CPA6: variants seen among roughly 807,000 people sequenced by gnomAD.
CPA6 encodes the protein carboxypeptidase B.
Under a neutral mutation model 63.3 loss-of-function variants are expected in CPA6, and 58 were observed. The observed-to-expected ratio is 0.92, with a 90% CI of 0.74 to 1.14. The LOEUF is 1.14. Ranked by LOEUF, CPA6 falls within the 50% of genes most tolerant of loss-of-function variation. The pLI is 0.00. For synonymous variants in CPA6, 185 were observed against 179.0 expected (o/e 1.03, Z -0.27); for missense variants, 565 against 526.6 (o/e 1.07, Z -0.71).
At chr8:67,745,816 G>T (rs769081006) in intron 1 of CPA6, among the ~76,000 whole-genome samples, 198 bp downstream of exon 1, 22 of 152,196 alleles carry the variant, frequency 1.4e-4, no homozygotes, top group Non-Finnish European at 2.8e-4. Context: ...TAAAAAGCCA[G>T]GTTGGAGCCC....
intron 1 of CPA6, among the ~76,000 whole-genome samples, chr8:67,634,847 C>G (rs780821168): frequency 2.0e-5 from 3 of 151,562 alleles, no homozygotes; most frequent in Middle Eastern, 3.4e-3. Flanking sequence ...TATAGTCTCT[C>G]AATACTTAGT....
At chr8:67,596,221 A>G (rs948280255) in intron 2 of CPA6, among the ~76,000 whole-genome samples, 2 of 152,200 alleles carry the variant, frequency 1.3e-5, no homozygotes, top group African/African-American at 4.8e-5. Context: ...GTTATTGATG[A>G]ACTCTCCCAG....
chr8:67,436,304 C>G (rs11989273), intron 8 of CPA6, among the ~76,000 whole-genome samples: 6,906 of 151,758 alleles, frequency 0.046, 523 homozygotes, highest in African/African-American at 0.16. Context: ...GGGTTTCCAG[C>G]TTCCCCAGGC....
chr8:67,534,403 A>G (rs1037048811), intron 2 of CPA6, among the ~76,000 whole-genome samples: 1 of 152,148 alleles, frequency 6.6e-6, no homozygotes, highest in Non-Finnish European at 1.5e-5. Context: ...AAGTGGTTCA[A>G]TATTTATGAA....
At chr8:67,496,521 AT>A (rs1811715932) in intron 6 of CPA6, among the ~76,000 whole-genome samples, 2 of 14,382 alleles carry the variant, frequency 1.4e-4, no homozygotes, top group Non-Finnish European at 4.9e-4. Flanking sequence ...TATATAGTTT[AT>A]ATATATATAT....
chr8:67,746,074 C>T lies in CPA6; in HGVS notation c.56G>A (p.Trp19Ter). 6.2e-7 allele frequency: 1 copy of T among 1,613,924 alleles called. No individual in the cohort carries two copies. Among genetic ancestry groups the T allele is most frequent in the East Asian group, 2.2e-5 (1 of 44,864 alleles). The change falls in exon 1 of 11, where the codon TGG becomes TAG. Residue 19 changes from tryptophan to a stop codon, truncating the protein, a stop_gained. Transcript: ENST00000297770. LOFTEE classifies it high-confidence loss of function. ...GQAAAFLPLC[W>*]LFLKILQPGH... ...CGGTTGCAGAATCTTCAAAAAGAGC[C>T]AGCAAAGAGGCAGGAAAGCAGCTGC...
At chr8:67,453,551 T>C (rs1810603160) in intron 8 of CPA6, among the ~76,000 whole-genome samples, 1 of 152,056 alleles carries the variant, frequency 6.6e-6, no homozygotes, top group Non-Finnish European at 1.5e-5. Context: ...TTGGGGGTCA[T>C]AGGCACACAG....
At chr8:67,628,458 G>C (rs578029138) in intron 1 of CPA6, among the ~76,000 whole-genome samples, 1 of 152,152 alleles carries the variant, frequency 6.6e-6, no homozygotes. Context: ...CAGAATTTAC[G>C]AACCTACACT....
At position 67,560,160 on chromosome 8, in the gene CPA6, G is replaced by GATATATATATATATATATATATAT. The variant is rs6150633; in HGVS notation, c.193-42114_193-42113insATATATATATATATATATATATAT. 8.1e-3 allele frequency among the ~76,000 whole-genome samples: 1,134 copies of GATATATATATATATATATATATAT among 139,654 alleles called. 18 individuals carry two copies. The highest frequency in any genetic ancestry group is 0.018 in the African/African-American group (645 of 36,200). The allele number at this position is 139,654 out of a possible 152,430, so 91.6% of individuals were successfully genotyped here. A position where few individuals can be genotyped will look rare whatever the true frequency, so the allele number is the denominator to read the frequency against. On this transcript the variant is annotated intron_variant, in intron 2 of 10. Coordinates refer to ENST00000297770, the MANE Select transcript of CPA6 (RefSeq NM_020361.5). Reference sequence around the variant, plus strand: ...GGTATCACATCTTCTTGTATTTCCGGATATATATATATATATATTCCAGAT... The same window carrying GATATATATATATATATATATATAT: ...GGTATCACATCTTCTTGTATTTCCGGATATATATATATATATATATATATATATATATATATATATATTCCAGAT...
At chr8:67,456,735 C>G (rs1363782436) in intron 8 of CPA6, among the ~76,000 whole-genome samples, 2 of 152,108 alleles carry the variant, frequency 1.3e-5, no homozygotes, top group Non-Finnish European at 2.9e-5. Flanking sequence ...TGGAAAAGGG[C>G]CTCTGTAGAT....
intron 1 of CPA6, among the ~76,000 whole-genome samples, chr8:67,693,404 A>C (rs1322361658): frequency 6.6e-6 from 1 of 152,228 alleles, no homozygotes; most frequent in Non-Finnish European, 1.5e-5. Context: ...GTCAGAATTT[A>C]CTTAGTGAAA....
chr8:67,652,812 C>A (rs935403377), intron 1 of CPA6, among the ~76,000 whole-genome samples: 10 of 151,952 alleles, frequency 6.6e-5, no homozygotes, highest in African/African-American at 2.4e-4. Flanking sequence ...GAAGTCCTTG[C>A]CCATGCCTAT....
At chr8:67,565,151 A>G (rs1321572769) in intron 2 of CPA6, among the ~76,000 whole-genome samples, 1 of 145,736 alleles carries the variant, frequency 6.9e-6, no homozygotes, top group East Asian at 2.1e-4. Flanking sequence ...ACTATGCCAC[A>G]GCGTTTTTCT....
chr8:67,514,027 C>T (rs890486633), intron 3 of CPA6, among the ~76,000 whole-genome samples: 3 of 151,344 alleles, frequency 2.0e-5, no homozygotes, highest in East Asian at 1.9e-4. Context: ...GGCGTGAACT[C>T]GGCTCACTGC....
At position 67,456,926 on chromosome 8, in the gene CPA6, G is replaced by A. The variant is rs543589899; in HGVS notation, c.839-22686C>T. The stretch of plus-strand genomic sequence containing the variant: ...AGATGGTACGCCATAGGCTTTGACT[G>A]TGGAGGAAGAGCTCTCAGGGCAAGG... On this transcript the variant is annotated intron_variant, in intron 8 of 10. Coordinates refer to ENST00000297770, the MANE Select transcript of CPA6 (RefSeq NM_020361.5). Among the ~76,000 whole-genome samples the A allele has an allele frequency of 2.4e-4, 36 of 152,340 alleles. No homozygotes were observed. In the South Asian group the frequency reaches 6.0e-3, roughly 25 times the overall value.
intron 1 of CPA6, 114 bp downstream of exon 1, chr8:67,745,898 AGT>A: frequency 1.5e-5 from 9 of 608,360 alleles, no homozygotes; most frequent in Non-Finnish European, 2.6e-5. Flanking sequence ...GGACCGTGAA[AGT>A]GTGCAGATTC....
At chr8:67,501,254 T>G (rs1477773336) in intron 6 of CPA6, among the ~76,000 whole-genome samples, 1 of 152,186 alleles carries the variant, frequency 6.6e-6, no homozygotes, top group Non-Finnish European at 1.5e-5. Context: ...TTTGTAGTTT[T>G]CAGCATGTAA....
rs766547893 is a variant in CPA6 at position 67,624,241 on chromosome 8, T to C, written c.127A>G (p.Ile43Val). ...TCTTCTGTTTTGGGAATAAATCTTATCACTTTATCACTACAAGATAAGAAA... is the reference window on the plus strand; with the variant it reads ...TCTTCTGTTTTGGGAATAAATCTTACCACTTTATCACTACAAGATAAGAAA... The part of the protein sequence containing the change: ...YNNRYAGDKV[I>V]RFIPKTEEEA... The change falls in exon 2 of 11, where the codon ATA becomes GTA. Residue 43 changes from isoleucine (I) to valine (V), a missense_variant. Ile to Val is a conservative substitution (Grantham distance 29). Coordinates refer to ENST00000297770, the MANE Select transcript of CPA6 (RefSeq NM_020361.5). 57 of 1,462,878 alleles carry C rather than the reference T, an allele frequency of 3.9e-5. No homozygotes were observed. The highest frequency in any genetic ancestry group is 3.5e-4 in the Middle Eastern group (2 of 5,786). The allele number at this position is 1,462,878 out of a possible 1,614,324, so 90.6% of individuals were successfully genotyped here. A position where few individuals can be genotyped will look rare whatever the true frequency, so the allele number is the denominator to read the frequency against.
chr8:67,587,556 GT>G (rs1393704001), intron 2 of CPA6, among the ~76,000 whole-genome samples: 8 of 152,120 alleles, frequency 5.3e-5, no homozygotes, highest in Non-Finnish European at 1.2e-4. Context: ...ACTTTCTCAG[GT>G]AATGTCACGT....
Sources: allele counts gnomAD v4.1 joint callset (sites outside exome capture counted in the v4.1 genomes callset), GRCh38; gene constraint gnomAD v4.1.1; transcripts MANE v1.5; gene names NCBI Gene and HGNC (gene_info 2026-07-23, HGNC 2026-07-21).